Variants in NMT2 observed in about 807,000 individuals in gnomAD.
NMT2 encodes the protein glycylpeptide N-tetradecanoyltransferase 2.
Under a neutral mutation model 65.4 loss-of-function variants are expected in NMT2, and 35 were observed. That is an observed-to-expected ratio of 0.54 (90% CI 0.41 to 0.71). NMT2 has a LOEUF of 0.71. NMT2 is among the 30% of genes least tolerant of loss of function. The pLI, the probability that NMT2 is intolerant of heterozygous loss-of-function variation, is 0.00. For missense variants in NMT2, 489 were observed against 611.3 expected, an observed-to-expected ratio of 0.80 and a Z score of 2.11; for synonymous variants, 226 against 231.8, an observed-to-expected ratio of 0.98 and a Z score of 0.23.
chr10:15,111,811 T>C (rs1272215113), intron 10 of NMT2: 1 of 151,776 alleles, frequency 6.6e-6, no homozygotes, highest in Non-Finnish European at 1.5e-5. Flanking sequence ...TTTTATTTTA[T>C]TTTAATTAAT....
intron 1 of NMT2, among the ~76,000 whole-genome samples, chr10:15,163,301 A>G (rs1165850668): frequency 6.6e-6 from 1 of 152,248 alleles, no homozygotes; most frequent in African/African-American, 2.4e-5. Context: ...AACTTGGAGT[A>G]GAACTTGGTT....
Position 15,159,679 on chromosome 10 carries a change from C to T in NMT2, c.110+8824G>A, listed in dbSNP as rs550422747. ...CTGACCTCAGGTGATCCACCCGCCT[C>T]GGCCTCCCAAAGTGCTGGGATTACA... is the stretch of plus-strand genomic sequence containing the variant. On this transcript the variant is annotated intron_variant, in intron 1 of 11. Coordinates refer to ENST00000378165, the MANE Select transcript of NMT2 (RefSeq NM_004808.3). Among the ~76,000 whole-genome samples the T allele has an allele frequency of 5.3e-5, 8 of 152,304 alleles. No homozygotes were observed. The East Asian group carries it at 5.8e-4, about 11-fold the overall frequency.
chr10:15,124,818 CTCTT>C (rs772279094), intron 8 of NMT2, among the ~76,000 whole-genome samples: 7 of 152,182 alleles, frequency 4.6e-5, no homozygotes, highest in African/African-American at 4.8e-5. Context: ...ACTTTAATCT[CTCTT>C]TTATTCTATT....
intron 1 of NMT2, among the ~76,000 whole-genome samples, chr10:15,167,530 A>G (rs1333341655): frequency 6.6e-6 from 1 of 152,154 alleles, no homozygotes; most frequent in African/African-American, 2.4e-5. Context: ...TCTCACTTCT[A>G]AGGGTGTAGC....
intron 10 of NMT2, chr10:15,111,610 A>G: frequency 6.6e-6 from 1 of 151,908 alleles, no homozygotes; most frequent in East Asian, 1.9e-4. Flanking sequence ...AAAAAATTAA[A>G]TTTCTTTAAA....
rs974360507 is a variant in NMT2, at chr10:15,130,703, CAAAAAAA to C, written c.720-398_720-392del. Among the ~76,000 whole-genome samples, 13 of 28,638 alleles carry C rather than the reference CAAAAAAA, an allele frequency of 4.5e-4. No homozygotes were observed. In the South Asian group the frequency reaches 5.9e-3, roughly 13 times the overall value. The allele number at this position is 28,638 out of a possible 152,430, so 18.8% of individuals were successfully genotyped here. ...TGGACAACAGAGCAAGGCCCTGTCT[CAAAAAAA>C]AAAAAAAAAAAAAAAAAGAAAAGAA... On this transcript the variant is annotated intron_variant, in intron 6 of 11. Coordinates refer to ENST00000378165, the MANE Select transcript of NMT2 (RefSeq NM_004808.3).
At chr10:15,145,577 G>A (rs374843777) in intron 1 of NMT2, among the ~76,000 whole-genome samples, 2 of 152,006 alleles carry the variant, frequency 1.3e-5, no homozygotes, top group Non-Finnish European at 2.9e-5. Flanking sequence ...ACGGGGTTTC[G>A]CTACGTTGGC....
intron 7 of NMT2, among the ~76,000 whole-genome samples, chr10:15,129,353 A>T (rs1391752209): frequency 6.6e-6 from 1 of 152,190 alleles, no homozygotes; most frequent in East Asian, 1.9e-4. Flanking sequence ...GTGGGGAGAT[A>T]AACTCTGATG....
In NMT2 at chr10:15,121,895, A is replaced by G. The variant is rs1031478328; in HGVS notation, c.1000-2382T>C. ...TCTAAAGCACTTCAGCTAAAATGCC[A>G]TTTAATAATCTAAATTTAGAGAATT... On this transcript the variant is annotated intron_variant, in intron 8 of 11. Coordinates refer to ENST00000378165, the MANE Select transcript of NMT2 (RefSeq NM_004808.3). 7.9e-5 allele frequency among the ~76,000 whole-genome samples: 12 copies of G among 152,224 alleles called. No homozygotes were observed. The South Asian group carries it at 8.3e-4, about 10-fold the overall frequency.
chr10:15,121,453 T>C (rs1845928959), intron 8 of NMT2, among the ~76,000 whole-genome samples: 1 of 152,168 alleles, frequency 6.6e-6, no homozygotes, highest in Non-Finnish European at 1.5e-5. Flanking sequence ...CTGCAACGTC[T>C]GCCTCCTGGG....
chr10:15,148,800 T>TA (rs891641035), intron 1 of NMT2, among the ~76,000 whole-genome samples: 39 of 148,852 alleles, frequency 2.6e-4, no homozygotes, highest in African/African-American at 8.7e-4. Context: ...GAGAAATCAA[T>TA]AAAAAAAAAT....
intron 1 of NMT2, among the ~76,000 whole-genome samples, chr10:15,151,144 C>T (rs924040815): frequency 1.3e-5 from 2 of 151,356 alleles, no homozygotes; most frequent in Non-Finnish European, 2.9e-5. Context: ...CTGCAATCTC[C>T]GCCTCCTGGG....
chr10:15,107,130 A>G lies in NMT2; in HGVS notation c.*2065T>C, dbSNP rs1845331962. Among the ~76,000 whole-genome samples, 1 of 149,358 alleles carries G rather than the reference A, an allele frequency of 6.7e-6. No homozygotes were observed. Among genetic ancestry groups the G allele is most frequent in the Non-Finnish European group, 1.5e-5 (1 of 67,424 alleles). On this transcript the variant is annotated 3_prime_UTR_variant, in exon 12 of 12. Transcript: ENST00000378165. ...TCCTAAAAAAAAAAAAAAAAAAAGTATGGCTATGTTCCAATAAAACCTTAT... is the reference window on the plus strand; with the variant it reads ...TCCTAAAAAAAAAAAAAAAAAAAGTGTGGCTATGTTCCAATAAAACCTTAT...
chr10:15,161,080 TCAAAAAAAAAAAA>T (rs1833173410), intron 1 of NMT2, among the ~76,000 whole-genome samples: 1 of 3,250 alleles, frequency 3.1e-4, no homozygotes, highest in African/African-American at 9.9e-4. Context: ...GCCTCAAAAA[TCAAAAAAAAAAAA>T]AAAAAAAAAA....
intron 9 of NMT2, 147 bp from the exon 10 acceptor site, chr10:15,113,110 T>TA: frequency 1.3e-6 from 1 of 767,646 alleles, no homozygotes; most frequent in Non-Finnish European, 2.1e-6. Context: ...GGGCCCCTTA[T>TA]ATTGTGCTGT....
At chr10:15,118,915 G>C (rs1845834005) in intron 9 of NMT2, among the ~76,000 whole-genome samples, 1 of 152,200 alleles carries the variant, frequency 6.6e-6, no homozygotes, top group African/African-American at 2.4e-5. Context: ...TTCCCAAAAT[G>C]TGGTCTGTGA....
chr10:15,152,039 A>T (rs1257097781), intron 1 of NMT2, among the ~76,000 whole-genome samples: 4 of 152,210 alleles, frequency 2.6e-5, no homozygotes, highest in Non-Finnish European at 4.4e-5. Context: ...AACAAAAACA[A>T]AACAAAACAG....
intron 2 of NMT2, among the ~76,000 whole-genome samples, chr10:15,140,814 C>G (rs748939634): frequency 6.6e-6 from 1 of 152,218 alleles, no homozygotes; most frequent in Non-Finnish European, 1.5e-5. Flanking sequence ...CAGACACCCA[C>G]GCAGTACAAT....
chr10:15,109,580 A>C (rs1381494377), intron 11 of NMT2, 122 bp downstream of exon 11: 8 of 791,384 alleles, frequency 1.0e-5, no homozygotes, highest in South Asian at 3.7e-5. Flanking sequence ...CAAAAAAATA[A>C]ATAAATAAAT....
Sources: gnomAD v4.1 joint callset for allele counts (sites outside exome capture counted in the v4.1 genomes callset) on GRCh38, gnomAD v4.1.1 for gene constraint, MANE v1.5 for transcripts, NCBI Gene and HGNC (gene_info 2026-07-23, HGNC 2026-07-21) for gene names.